The following ARHGEF28 variants were observed in gnomAD, a reference collection of about 807,000 sequenced individuals.
ARHGEF28 encodes Rho guanine nucleotide exchange factor 28, also known as 190 kDa guanine nucleotide exchange factor.
In ARHGEF28, 152 loss-of-function variants were observed where a neutral mutation model predicts 206.6. The observed-to-expected ratio is 0.74, with a 90% CI of 0.64 to 0.84. The LOEUF is 0.84. Among genes scored for constraint, ARHGEF28 ranks in the 40% least tolerant of loss-of-function variants. The pLI is 0.00. For synonymous variants in ARHGEF28, 763 were observed against 776.4 expected, an observed-to-expected ratio of 0.98 and a Z score of 0.29; for missense variants, 2,028 against 2,073.2, an observed-to-expected ratio of 0.98 and a Z score of 0.42.
intron 1 of ARHGEF28, among the ~76,000 whole-genome samples, chr5:73,659,142 T>C (rs961117078): frequency 4.3e-4 from 65 of 152,258 alleles, no homozygotes; most frequent in African/African-American, 1.5e-3. Flanking sequence ...AGGCTGCTGG[T>C]AGGAAAGATC....
chr5:73,704,826 G>A (rs539682127), intron 2 of ARHGEF28, among the ~76,000 whole-genome samples: 1 of 152,144 alleles, frequency 6.6e-6, no homozygotes, highest in Non-Finnish European at 1.5e-5. Context: ...CTTTGGTTGG[G>A]ATTTGTGATT....
At chr5:73,695,398 C>A (rs1462070658) in intron 2 of ARHGEF28, among the ~76,000 whole-genome samples, 1 of 152,110 alleles carries the variant, frequency 6.6e-6, no homozygotes, top group Non-Finnish European at 1.5e-5. Flanking sequence ...GTTATTTAGA[C>A]CACCACTCCT....
chr5:73,709,075 T>G (rs1749101394), intron 2 of ARHGEF28, among the ~76,000 whole-genome samples: 1 of 152,224 alleles, frequency 6.6e-6, no homozygotes, highest in African/African-American at 2.4e-5. Flanking sequence ...CAAGGCTGTA[T>G]AGGTCAGCTC....
chr5:73,754,790 G>C (rs1752210945), intron 4 of ARHGEF28, among the ~76,000 whole-genome samples: 1 of 151,934 alleles, frequency 6.6e-6, no homozygotes, highest in South Asian at 2.1e-4. Flanking sequence ...TCAAATTCTT[G>C]GGCTCATGTG....
At chr5:73,699,368 CGA>C (rs145449422) in intron 2 of ARHGEF28, among the ~76,000 whole-genome samples, 7 of 146,272 alleles carry the variant, frequency 4.8e-5, no homozygotes, top group Admixed American at 6.9e-5. Context: ...TAAGGGGAAT[CGA>C]GAGAGAGAGA....
chr5:73,898,244 G>A (rs949902991), intron 30 of ARHGEF28, 151 bp downstream of exon 30: 2 of 937,698 alleles, frequency 2.1e-6, no homozygotes, highest in East Asian at 3.1e-5. Context: ...AAATATGCTA[G>A]CCTAAATGAA....
At chr5:73,927,220 T>C (rs1002539832) in intron 35 of ARHGEF28, among the ~76,000 whole-genome samples, 1 of 151,376 alleles carries the variant, frequency 6.6e-6, no homozygotes, top group South Asian at 2.1e-4. Flanking sequence ...AAATAAAAAA[T>C]AAAAAACTTA....
Position 73,867,892 on chromosome 5 carries a change from C to T in ARHGEF28, c.2169C>T (p.Asp723=), listed in dbSNP as rs745502093. ...GATTTCCAGATTCTTCATTTAGAGA[C>T]ATCCCACAGCCTGGTCTCTCCTTGC... ...QTILGNSSFR[D]IPQPGLSLHP... is the part of the protein sequence containing the mutation. The change falls in exon 19 of 36, where the codon GAC becomes GAT. Residue 723 remains aspartate, a synonymous_variant. Coordinates refer to ENST00000513042, the MANE Select transcript of ARHGEF28 (RefSeq NM_001177693.2). 2.5e-6 allele frequency: 4 copies of T among 1,614,020 alleles called. No homozygotes were observed. Among genetic ancestry groups the T allele is most frequent in the South Asian group, 2.2e-5 (2 of 91,086 alleles).
chr5:73,749,772 G>T (rs1751928703), intron 2 of ARHGEF28, 65 bp from the exon 3 acceptor site: 2 of 1,581,156 alleles, frequency 1.3e-6, no homozygotes, highest in Non-Finnish European at 1.7e-6. Context: ...CAGGTCCTTT[G>T]TATTGTGCTT....
In ARHGEF28 at chr5:73,773,928, G is replaced by C. The variant is rs768995277; in HGVS notation, c.549G>C (p.Leu183Phe). 1 of 1,608,180 alleles carries C rather than the reference G, an allele frequency of 6.2e-7. No homozygotes were observed. Among genetic ancestry groups the C allele is most frequent in the Non-Finnish European group, 8.5e-7 (1 of 1,177,204 alleles). ...TGGCTAAACTTTCCCAGTTCTTCTT[G>C]TGTCTCCCGGGGGGAGTCCAGGCCT... ...WGLAKLSQFFLCLPGGVQALA... is the reference protein window; with the variant it reads ...WGLAKLSQFFFCLPGGVQALA... The change falls in exon 5 of 36, where the codon TTG (leucine) becomes TTC (phenylalanine). Residue 183 changes from leucine (L) to phenylalanine (F), a missense_variant. Coordinates refer to ENST00000513042, the MANE Select transcript of ARHGEF28 (RefSeq NM_001177693.2).
rs146733598 is a variant in ARHGEF28 at position 73,639,050 on chromosome 5, T to C, written c.-12+12728T>C. On this transcript the variant is annotated intron_variant, in intron 1 of 35. Coordinates refer to ENST00000513042, the MANE Select transcript of ARHGEF28 (RefSeq NM_001177693.2). ...GGGAAGAGAGAATGAGCAGCTGTTT[T>C]GGAGGCTGATGTCCAGCCTAATGCC... is the stretch of plus-strand genomic sequence containing the variant. Among the ~76,000 whole-genome samples, 13 of 152,220 alleles carry C rather than the reference T, an allele frequency of 8.5e-5. No individual in the cohort carries two copies. The East Asian group carries it at 2.5e-3, about 29-fold the overall frequency.
intron 9 of ARHGEF28, among the ~76,000 whole-genome samples, chr5:73,800,098 T>C (rs1448741515): frequency 6.6e-6 from 1 of 152,182 alleles, no homozygotes. Context: ...AAGAAATCCC[T>C]ATAATATCCC....
chr5:73,729,454 C>T (rs1391363099), intron 2 of ARHGEF28, among the ~76,000 whole-genome samples: 1 of 152,194 alleles, frequency 6.6e-6, no homozygotes, highest in Non-Finnish European at 1.5e-5. Flanking sequence ...TCCTGTGAAA[C>T]AGAGTGAAAC....
At chr5:73,867,472 G>A (rs1426538392) in intron 18 of ARHGEF28, among the ~76,000 whole-genome samples, 1 of 152,172 alleles carries the variant, frequency 6.6e-6, no homozygotes, top group Non-Finnish European at 1.5e-5. Context: ...TGTTCTCTGT[G>A]TGTGGATGCT....
chr5:73,923,146 A>T, intron 35 of ARHGEF28: 1 of 1,535,910 alleles, frequency 6.5e-7, no homozygotes, highest in East Asian at 2.4e-5. Flanking sequence ...GTGGACTGGA[A>T]CCACATCTAC....
At chr5:73,749,688 G>T in intron 2 of ARHGEF28, 149 bp from the exon 3 acceptor site, 1 of 746,604 alleles carries the variant, frequency 1.3e-6, no homozygotes. Context: ...ATGTGTTGTT[G>T]TTGGAAGGAA....
rs143724389 is a variant in ARHGEF28 at position 73,909,196 on chromosome 5, A to G, written c.4162-216A>G. 4,705 of 500,624 alleles carry G rather than the reference A, an allele frequency of 9.4e-3. 34 individuals carry two copies. The highest frequency in any genetic ancestry group is 0.012 in the Non-Finnish European group (3,772 of 303,096). The allele number at this position is 500,624 out of a possible 1,614,324, so 31.0% of individuals were successfully genotyped here. ...CTTTTGGGCTTTGTTTCTTTTCTCTATAAATTCACAGGTCCTACCCCTAGG... is the reference window on the plus strand; with the variant it reads ...CTTTTGGGCTTTGTTTCTTTTCTCTGTAAATTCACAGGTCCTACCCCTAGG... On this transcript the variant is annotated intron_variant, in intron 33 of 35. Transcript: ENST00000513042.
chr5:73,655,305 A>T (rs1490050775), intron 1 of ARHGEF28, among the ~76,000 whole-genome samples: 1 of 149,554 alleles, frequency 6.7e-6, no homozygotes, highest in Non-Finnish European at 1.5e-5. Flanking sequence ...GTGGAGACTT[A>T]CAAGAGTGAC....
chr5:73,756,411 T>C (rs1217566891), intron 4 of ARHGEF28, among the ~76,000 whole-genome samples: 1 of 152,232 alleles, frequency 6.6e-6, no homozygotes, highest in East Asian at 1.9e-4. Context: ...TTCTAGACTT[T>C]CTCTAAAGGC....
Sources: allele counts gnomAD v4.1 joint callset (sites outside exome capture counted in the v4.1 genomes callset), GRCh38; gene constraint gnomAD v4.1.1; transcripts MANE v1.5; gene names NCBI Gene and HGNC (gene_info 2026-07-23, HGNC 2026-07-21).